ATP2B2: variants seen among roughly 807,000 people sequenced by gnomAD.
ATP2B2 encodes plasma membrane calcium-transporting ATPase 2.
A neutral mutation model predicts 120.0 loss-of-function variants in ATP2B2; 15 were observed. The observed-to-expected ratio is 0.12, with a 90% CI of 0.08 to 0.19. The LOEUF (loss-of-function observed/expected upper bound fraction) is 0.19. Ranked by LOEUF, ATP2B2 falls within the 10% of genes least tolerant of loss-of-function variation. The pLI, the probability that ATP2B2 is intolerant of heterozygous loss-of-function variation, is 1.00. For missense variants in ATP2B2, 1,045 were observed against 1,719.8 expected (o/e 0.61, Z 6.94); for synonymous variants, 694 against 700.3 (o/e 0.99, Z 0.14).
At chr3:10,510,119 G>A (rs1415642971), upstream of ATP2B2, among the ~76,000 whole-genome samples, 2 of 152,142 alleles carry the variant, frequency 1.3e-5, no homozygotes, top group Non-Finnish European at 2.9e-5. Flanking sequence ...AGGCTGGTCT[G>A]GTCTCTAGTC....
chr3:10,677,320 A>G (rs1248093822), intron 1 of ATP2B2, among the ~76,000 whole-genome samples: 1 of 152,238 alleles, frequency 6.6e-6, no homozygotes, highest in Middle Eastern at 3.2e-3. Context: ...AAGGCTGCAT[A>G]CTATAAGGTT....
At chr3:10,449,019 A>G (rs17032903) in intron 2 of ATP2B2, among the ~76,000 whole-genome samples, 9,784 of 152,220 alleles carry the variant, frequency 0.064, 1,092 homozygotes, top group African/African-American at 0.22. Flanking sequence ...CTCAGAAACT[A>G]GTGCCTCCCA....
In ATP2B2 at chr3:10,654,246, G is replaced by T. The variant is rs1054640275; in HGVS notation, c.-459-34285C>A. On this transcript the variant is annotated intron_variant, in intron 1 of 21. Coordinates refer to the ATP2B2 transcript ENST00000646379. The stretch of plus-strand genomic sequence containing the variant: ...GCCTGACTCCAGAGTCCTTACTAGG[G>T]TATTTTTATTACTGTATCCGTGCCT... 3.3e-5 allele frequency among the ~76,000 whole-genome samples: 5 copies of T among 152,236 alleles called. 1 individual carries two copies. The highest frequency in any genetic ancestry group is 3.3e-4 in the Admixed American group (5 of 15,294).
At chr3:10,587,655 C>A (rs2068542452) in intron 2 of ATP2B2, among the ~76,000 whole-genome samples, 1 of 152,216 alleles carries the variant, frequency 6.6e-6, no homozygotes, top group African/African-American at 2.4e-5. Context: ...GCAGGGATTA[C>A]AGGCATGAGC....
At chr3:10,396,730 G>A (rs917560818) in intron 5 of ATP2B2, among the ~76,000 whole-genome samples, 1 of 152,230 alleles carries the variant, frequency 6.6e-6, no homozygotes. Flanking sequence ...GAAGAGGAAG[G>A]GGGTAGCCCA....
intron 1 of ATP2B2, among the ~76,000 whole-genome samples, chr3:10,660,089 T>C (rs2070740765): frequency 6.6e-6 from 1 of 152,158 alleles, no homozygotes; most frequent in Non-Finnish European, 1.5e-5. Flanking sequence ...CTGGGACACA[T>C]TTAAAGCAGT....
intron 1 of ATP2B2, among the ~76,000 whole-genome samples, chr3:10,653,715 G>A (rs913057140): frequency 6.6e-6 from 1 of 152,282 alleles, no homozygotes; most frequent in South Asian, 2.1e-4. Flanking sequence ...CATAAGGCAT[G>A]TGCCATTATT....
intron 2 of ATP2B2, among the ~76,000 whole-genome samples, chr3:10,568,114 C>T (rs1348542859): frequency 6.6e-6 from 1 of 152,204 alleles, no homozygotes; most frequent in Non-Finnish European, 1.5e-5. Context: ...CGAGCCTGGT[C>T]CTGCCCAGAG....
At chr3:10,374,459 A>C (rs1394580124) in intron 11 of ATP2B2, among the ~76,000 whole-genome samples, 1 of 152,236 alleles carries the variant, frequency 6.6e-6, no homozygotes, top group Non-Finnish European at 1.5e-5. Flanking sequence ...TCCAGCTTGG[A>C]AACTGATGCT....
At position 10,371,825 on chromosome 3, in the gene ATP2B2, T is replaced by C. The variant is rs921352439; in HGVS notation, c.1643A>G (p.Tyr548Cys). 2 of 1,614,166 alleles carry C rather than the reference T, an allele frequency of 1.2e-6. No homozygotes were observed. Among genetic ancestry groups the C allele is most frequent in the South Asian group, 1.1e-5 (1 of 91,066 alleles). ...CACACTTACCAGAATCTTGGTGGTG[T>C]AGGCGCTGTTGATGGCGATGGCATT... ...LINAIAINSA[Y>C]TTKILPPEKE... The change falls in exon 12 of 23, where the codon TAC becomes TGC. Residue 548 changes from tyrosine to cysteine, a missense_variant. Coordinates refer to ENST00000360273, the MANE Select transcript of ATP2B2 (RefSeq NM_001001331.4).
rs143612456 is a variant in ATP2B2, at chr3:10,577,713, A to G, written c.-415+42204T>C. Among the ~76,000 whole-genome samples, 1,098 of 152,312 alleles carry G rather than the reference A, an allele frequency of 7.2e-3. 7 individuals are homozygous for G. The highest frequency in any genetic ancestry group is 0.012 in the Non-Finnish European group (831 of 68,024). The stretch of plus-strand genomic sequence containing the variant: ...TCCCAAAAGAACAATCTTTCTTGGC[A>G]AGCTCATGGGGATGCATTCCCGGCA... On this transcript the variant is annotated intron_variant, in intron 2 of 21. Coordinates refer to the ATP2B2 transcript ENST00000646379.
intron 1 of ATP2B2, among the ~76,000 whole-genome samples, chr3:10,634,143 G>A (rs1231883173): frequency 2.0e-5 from 3 of 152,328 alleles, no homozygotes; most frequent in East Asian, 1.9e-4. Flanking sequence ...ATGAGATGGC[G>A]ACTGAGTTCC....
rs1202056306 is a variant in ATP2B2 at position 10,325,688 on chromosome 3, A to C, written c.*3126T>G. ...ATGGAGGCTGCTCCTGAGTTAAAGAAAGCTCCGCCTGAGTTGCAAGAAGGA... is the reference window on the plus strand; with the variant it reads ...ATGGAGGCTGCTCCTGAGTTAAAGACAGCTCCGCCTGAGTTGCAAGAAGGA... On this transcript the variant is annotated 3_prime_UTR_variant, in exon 23 of 23. Transcript: ENST00000360273. The C allele has an allele frequency of 2.6e-5, 4 of 152,176 alleles. No individual in the cohort carries two copies. Among genetic ancestry groups the C allele is most frequent in the African/African-American group, 9.7e-5 (4 of 41,430 alleles). The allele number at this position is 152,176 out of a possible 1,614,324, so 9.4% of individuals were successfully genotyped here. A position where few individuals can be genotyped will look rare whatever the true frequency, so the allele number is the denominator to read the frequency against.
intron 14 of ATP2B2, 78 bp from the exon 15 acceptor site, chr3:10,350,655 G>A (rs1374129668): frequency 6.7e-7 from 1 of 1,501,694 alleles, no homozygotes; most frequent in African/African-American, 1.4e-5. Context: ...TTCCAGAGGA[G>A]CCCTTCTCAC....
At chr3:10,519,676 G>A (rs1490267445) in intron 3 of ATP2B2, among the ~76,000 whole-genome samples, 4 of 152,330 alleles carry the variant, frequency 2.6e-5, no homozygotes, top group Non-Finnish European at 4.4e-5. Flanking sequence ...AAGCCACCTC[G>A]TCCCATGAAT....
chr3:10,603,597 A>C (rs1414963866), intron 2 of ATP2B2, among the ~76,000 whole-genome samples: 6 of 152,168 alleles, frequency 3.9e-5, no homozygotes, highest in Non-Finnish European at 4.4e-5. Flanking sequence ...AACAGAGTTC[A>C]GACTTAGCTC....
chr3:10,437,025 C>G (rs530010372), intron 2 of ATP2B2, among the ~76,000 whole-genome samples: 1 of 152,178 alleles, frequency 6.6e-6, no homozygotes. Flanking sequence ...CCCAAAGGCA[C>G]GTGGAGAAGC....
At chr3:10,578,566 A>T (rs915071433) in intron 2 of ATP2B2, among the ~76,000 whole-genome samples, 4 of 151,992 alleles carry the variant, frequency 2.6e-5, no homozygotes, top group Non-Finnish European at 5.9e-5. Flanking sequence ...AAACAAAAAG[A>T]AAAACATATA....
intron 5 of ATP2B2, among the ~76,000 whole-genome samples, chr3:10,393,267 C>G (rs1435657406): frequency 6.6e-6 from 1 of 152,208 alleles, no homozygotes; most frequent in Non-Finnish European, 1.5e-5. Context: ...CGGGCCAAAG[C>G]TCAGCGCCCA....
Sources: allele counts gnomAD v4.1 joint callset (sites outside exome capture counted in the v4.1 genomes callset), GRCh38; gene constraint gnomAD v4.1.1; transcripts MANE v1.5; gene names NCBI Gene and HGNC (gene_info 2026-07-23, HGNC 2026-07-21).